The following CD101 variants were observed in gnomAD, a reference collection of about 807,000 sequenced individuals.
CD101 encodes CD101 molecule.
In CD101, 76 loss-of-function variants were observed where a neutral mutation model predicts 98.2. The ratio of observed to expected loss-of-function variants is 0.77; its 90% CI spans 0.64 to 0.94. The LOEUF is 0.94. Ranked by LOEUF, CD101 falls within the 40% of genes least tolerant of loss-of-function variation. The probability of loss-of-function intolerance (pLI) is 0.00; values close to 1 mark genes in which losing one functional copy is unlikely to be tolerated. For synonymous variants in CD101, 471 were observed against 472.7 expected (o/e 1.00, Z 0.05); for missense variants, 1,145 against 1,218.8 (o/e 0.94, Z 0.90).
At position 117,017,316 on chromosome 1, in the gene CD101, G is replaced by C. The variant is rs978244877; in HGVS notation, c.1455G>C (p.Arg485Ser). ...TACCCAGTTACCATGGCAACACAAG[G>C]CTGGAGAAAATGGACTGGGCCACCT... ...YGVPSYHGNTRLEKMDWATFQ... is the reference protein window; with the variant it reads ...YGVPSYHGNTSLEKMDWATFQ... Residue 485 changes from arginine to serine, a missense_variant, in exon 5 of 10, where the codon AGG (arginine) becomes AGC (serine). Coordinates refer to ENST00000682167, the MANE Select transcript of CD101 (RefSeq NM_001256106.3). 3.1e-6 allele frequency: 5 copies of C among 1,614,126 alleles called. No individual in the cohort carries two copies. The highest frequency in any genetic ancestry group is 4.2e-6 in the Non-Finnish European group (5 of 1,180,056).
At chr1:117,017,652 A>C (rs1252280708) in intron 5 of CD101, among the ~76,000 whole-genome samples, 179 bp downstream of exon 5, 1 of 152,198 alleles carries the variant, frequency 6.6e-6, no homozygotes, top group Non-Finnish European at 1.5e-5. Context: ...ATTTTTGTAA[A>C]GATCATCTTT....
chr1:117,006,093 T>A lies in CD101; in HGVS notation c.44-3757T>A, dbSNP rs1196553342. Among the ~76,000 whole-genome samples the A allele has an allele frequency of 6.6e-6, 1 of 152,148 alleles. No homozygotes were observed. The highest frequency in any genetic ancestry group is 2.4e-5 in the African/African-American group (1 of 41,442). On this transcript the variant is annotated intron_variant, in intron 1 of 9. Transcript: ENST00000682167. The surrounding 1 kb of genome is among the most constrained non-coding windows in gnomAD (Gnocchi z 4.4). ...TCACCCTTATACACACAACAGTAAC[T>A]CTTCCTAATATCTGTATTTCTAGTC...
intron 7 of CD101, among the ~76,000 whole-genome samples, chr1:117,024,942 G>C (rs143043555): frequency 6.6e-6 from 1 of 152,204 alleles, no homozygotes; most frequent in Non-Finnish European, 1.5e-5. Context: ...TGCAGAAGCT[G>C]TGTAGTTTTC....
At position 117,007,685 on chromosome 1, in the gene CD101, G is replaced by T. The variant is rs142844020; in HGVS notation, c.44-2165G>T. Among the ~76,000 whole-genome samples, 773 of 152,218 alleles carry T rather than the reference G, an allele frequency of 5.1e-3. 7 individuals carry two copies. Among genetic ancestry groups the T allele is most frequent in the African/African-American group, 0.018 (745 of 41,538 alleles). On this transcript the variant is annotated intron_variant, in intron 1 of 9. Coordinates refer to ENST00000682167, the MANE Select transcript of CD101 (RefSeq NM_001256106.3). ...TTTGCTAATGATTTCAGCCCTTTAT[G>T]TGTGCATCACTAAATAATACAGTGT...
intron 8 of CD101, among the ~76,000 whole-genome samples, chr1:117,031,542 A>T (rs1654467608): frequency 2.0e-5 from 3 of 152,190 alleles, no homozygotes; most frequent in African/African-American, 7.2e-5. Context: ...GTGGAGGAAG[A>T]TGGCCAAGCC....
intron 4 of CD101, among the ~76,000 whole-genome samples, chr1:117,014,908 G>A (rs1324339799): frequency 6.6e-6 from 1 of 152,152 alleles, no homozygotes; most frequent in African/African-American, 2.4e-5. Context: ...CTAGAATTAA[G>A]GAAAAACAAT....
chr1:117,015,475 A>G (rs1240534880), intron 4 of CD101, among the ~76,000 whole-genome samples: 4 of 152,214 alleles, frequency 2.6e-5, no homozygotes, highest in African/African-American at 9.7e-5. Context: ...CTAAATTTGA[A>G]AGCAGATTTG....
chr1:117,016,385 G>T (rs1653220377), intron 4 of CD101, among the ~76,000 whole-genome samples: 1 of 151,790 alleles, frequency 6.6e-6, no homozygotes, highest in Admixed American at 6.6e-5. Context: ...AGATTGTCTT[G>T]AACTCTGAAG....
In CD101 at chr1:117,029,198, A is replaced by G. The variant is rs200418084; in HGVS notation, c.2824+3294A>G. 2.6e-3 allele frequency among the ~76,000 whole-genome samples: 198 copies of G among 75,964 alleles called. 9 individuals are homozygous for G. The East Asian group carries it at 0.031, about 12-fold the overall frequency. The allele number at this position is 75,964 out of a possible 152,430, so 49.8% of individuals were successfully genotyped here. ...AAGAAAGAAAGAAAGAAAGAAAGAA[A>G]GAAAGAAAAGAAAGAAAAGAAAGAA... On this transcript the variant is annotated intron_variant, in intron 8 of 9. Transcript: ENST00000682167.
At position 117,033,588 on chromosome 1, in the gene CD101, AT is replaced by A. The variant is rs1346930841; in HGVS notation, c.2825-268del. ...GGTTTTCTTTTTTGTTTTGTTTTTC[AT>A]TTTGGCTGTTAGTTTTAAGTAGGTC... On this transcript the variant is annotated intron_variant, in intron 8 of 9. Coordinates refer to ENST00000682167, the MANE Select transcript of CD101 (RefSeq NM_001256106.3). This position sits in a 1 kb window ranked among gnomAD's most constrained non-coding sequence, Gnocchi z 4.8. 1.3e-5 allele frequency among the ~76,000 whole-genome samples: 2 copies of A among 152,018 alleles called. No individual in the cohort carries two copies. The highest frequency in any genetic ancestry group is 2.9e-5 in the Non-Finnish European group (2 of 67,988).
chr1:117,030,065 T>G (rs1489277121), intron 8 of CD101, among the ~76,000 whole-genome samples: 1 of 152,234 alleles, frequency 6.6e-6, no homozygotes, highest in Non-Finnish European at 1.5e-5. Context: ...AGTGTGGTAC[T>G]TGTTACTATT....
intron 6 of CD101, among the ~76,000 whole-genome samples, chr1:117,020,925 C>T (rs781476388): frequency 6.6e-6 from 1 of 152,204 alleles, no homozygotes; most frequent in Non-Finnish European, 1.5e-5. Context: ...AGGATTGTCA[C>T]TCATCTTTCT....
chr1:117,021,329 G>C lies in CD101; in HGVS notation c.2018-244G>C, dbSNP rs771034350. Among the ~76,000 whole-genome samples, 1 of 152,180 alleles carries C rather than the reference G, an allele frequency of 6.6e-6. No individual in the cohort carries two copies. Among genetic ancestry groups the C allele is most frequent in the Non-Finnish European group, 1.5e-5 (1 of 68,020 alleles). ...GACTAGTGGATGGAAGTTATGAAGA[G>C]ATAAAGTTCAACTTGATATCAGAAA... On this transcript the variant is annotated intron_variant, in intron 6 of 9. Transcript: ENST00000682167. The surrounding 1 kb of genome is among the most constrained non-coding windows in gnomAD (Gnocchi z 4.7).
chr1:117,009,699 TGAA>T (rs1557765207), intron 1 of CD101, 148 bp from the exon 2 acceptor site: 4 of 731,618 alleles, frequency 5.5e-6, no homozygotes, highest in African/African-American at 3.5e-5. Flanking sequence ...CTGCTCAGCC[TGAA>T]GAAGATGTTG....
chr1:117,007,466 G>A (rs1041814980), intron 1 of CD101, among the ~76,000 whole-genome samples: 1 of 151,954 alleles, frequency 6.6e-6, no homozygotes, highest in Non-Finnish European at 1.5e-5. Context: ...TCTTGCCTCA[G>A]CCTCTGGAAT....
At chr1:117,029,222 AAAGAAAGAAAGAAAGAAAGAAAGAAAG>A (rs1654234294) in intron 8 of CD101, among the ~76,000 whole-genome samples, 1 of 51,944 alleles carries the variant, frequency 1.9e-5, no homozygotes, top group African/African-American at 8.6e-5. Flanking sequence ...GAAAAGAAAG[AAAGAAAGAAAGAAAGAAAGAAAGAAAG>A]AAAGAAAGAA....
chr1:117,017,208 C>T lies in CD101; in HGVS notation c.1347C>T (p.His449=), dbSNP rs1294137654. The change falls in exon 5 of 10, where the codon CAC becomes CAT. Residue 449 remains histidine, a synonymous_variant. Coordinates refer to ENST00000682167, the MANE Select transcript of CD101 (RefSeq NM_001256106.3). Reference sequence around the variant, plus strand: ...GTCCCCTGTCTGTGAGCTGGTGGCACATCCCACGGGACCAGACACAGCCCG... The same window carrying T: ...GTCCCCTGTCTGTGAGCTGGTGGCATATCCCACGGGACCAGACACAGCCCG... The part of the protein sequence containing the change: ...AESPLSVSWW[H]IPRDQTQPEF... 2 of 1,614,026 alleles carry T rather than the reference C, an allele frequency of 1.2e-6. No individual in the cohort carries two copies. The highest frequency in any genetic ancestry group is 3.3e-5 in the Admixed American group (2 of 59,996).
At position 117,018,902 on chromosome 1, in the gene CD101, T is replaced by C. The variant is rs990291611; in HGVS notation, c.2017+342T>C. ...TGGCTAGAGGGGAGAAGAAATGTTT[T>C]GGATTAGTCACTGTCCAGGCCTTAC... On this transcript the variant is annotated intron_variant, in intron 6 of 9. Transcript: ENST00000682167. This position sits in a 1 kb window ranked among gnomAD's most constrained non-coding sequence, Gnocchi z 4.3. 3.3e-5 allele frequency among the ~76,000 whole-genome samples: 5 copies of C among 152,202 alleles called. No homozygotes were observed. Among genetic ancestry groups the C allele is most frequent in the African/African-American group, 9.7e-5 (4 of 41,446 alleles).
At position 117,019,062 on chromosome 1, in the gene CD101, C is replaced by T. The variant is rs751308355; in HGVS notation, c.2017+502C>T. ...ATTTATTATTACAATCAAATATAAT[C>T]CATCTCATCAACTGATAATAGAGCA... is the stretch of plus-strand genomic sequence containing the variant. On this transcript the variant is annotated intron_variant, in intron 6 of 9. Coordinates refer to ENST00000682167, the MANE Select transcript of CD101 (RefSeq NM_001256106.3). The surrounding 1 kb of genome is among the most constrained non-coding windows in gnomAD (Gnocchi z 4.3). Among the ~76,000 whole-genome samples, 8 of 152,180 alleles carry T rather than the reference C, an allele frequency of 5.3e-5. No individual in the cohort carries two copies. The highest frequency in any genetic ancestry group is 1.2e-4 in the Non-Finnish European group (8 of 68,030).
Sources: gnomAD v4.1 joint callset for allele counts (sites outside exome capture counted in the v4.1 genomes callset) on GRCh38, gnomAD v4.1.1 for gene constraint, Gnocchi (gnomAD v3.1) non-coding constraint, MANE v1.5 for transcripts, NCBI Gene and HGNC (gene_info 2026-07-23, HGNC 2026-07-21) for gene names.